The following GPHN variants were observed in gnomAD, a reference collection of about 807,000 sequenced individuals.
GPHN encodes gephyrin.
Under a neutral mutation model 95.5 loss-of-function variants are expected in GPHN, and 17 were observed. The ratio of observed to expected loss-of-function variants is 0.18; its 90% CI spans 0.12 to 0.27. The LOEUF (loss-of-function observed/expected upper bound fraction) is 0.27, where lower values mean the gene tolerates loss of function less well. GPHN is among the 10% of genes least tolerant of loss of function. The pLI is 1.00. For synonymous variants in GPHN, 320 were observed against 322.5 expected (o/e 0.99, Z 0.08); for missense variants, 660 against 978.1 (o/e 0.67, Z 4.34).
At chr14:66,719,823 T>C (rs1158081311) in intron 2 of GPHN, among the ~76,000 whole-genome samples, 1 of 152,188 alleles carries the variant, frequency 6.6e-6, no homozygotes, top group African/African-American at 2.4e-5. Context: ...TCAGAAATTT[T>C]CTATGGGTTT....
the GPHN span, chr14:67,360,055 T>C: frequency 4.6e-6 from 2 of 433,382 alleles, no homozygotes; most frequent in South Asian, 1.1e-4. Flanking sequence ...ACGCCTTGTC[T>C]TTCTCCACCT....
chr14:66,835,554 C>T (rs550975530), intron 4 of GPHN, among the ~76,000 whole-genome samples: 2 of 151,642 alleles, frequency 1.3e-5, no homozygotes. Flanking sequence ...GATGCCCTCT[C>T]TCACCACTCC....
In GPHN at chr14:66,886,459, G is replaced by A. The variant is rs78551057; in HGVS notation, c.389+6426G>A. ...CATGTTCATCATGACAATGTACTCAGGAGTTCTAAGTCATGATGAGCATCC... is the reference window on the plus strand; with the variant it reads ...CATGTTCATCATGACAATGTACTCAAGAGTTCTAAGTCATGATGAGCATCC... On this transcript the variant is annotated intron_variant, in intron 5 of 22. Transcript: ENST00000478722. 0.042 allele frequency among the ~76,000 whole-genome samples: 6,346 copies of A among 151,962 alleles called. 810 individuals carry two copies. The East Asian group carries it at 0.42, about 10-fold the overall frequency.
chr14:66,602,169 A>G (rs1261635805), intron 1 of GPHN, among the ~76,000 whole-genome samples: 2 of 151,992 alleles, frequency 1.3e-5, no homozygotes, highest in Non-Finnish European at 1.5e-5. Context: ...CTTTATGACT[A>G]ATAATTTCTA....
At chr14:67,361,505 C>T in the GPHN span, among the ~76,000 whole-genome samples, 6 of 152,196 alleles carry the variant, frequency 3.9e-5, no homozygotes, top group South Asian at 6.2e-4. Context: ...AGAGAGCATT[C>T]CTAATACGTG....
intron 10 of GPHN, among the ~76,000 whole-genome samples, chr14:67,049,050 G>A (rs1357208485): frequency 6.6e-6 from 1 of 151,994 alleles, no homozygotes; most frequent in Non-Finnish European, 1.5e-5. Context: ...GGGTTTTATG[G>A]GCTACCGGCT....
At chr14:67,248,759 C>T in the GPHN span, among the ~76,000 whole-genome samples, 1 of 152,100 alleles carries the variant, frequency 6.6e-6, no homozygotes, top group African/African-American at 2.4e-5. Flanking sequence ...TCCAATAAAA[C>T]TTTACTTATA....
At chr14:67,726,187 T>A in the GPHN span, 2 of 1,198,400 alleles carry the variant, frequency 1.7e-6, no homozygotes, top group Non-Finnish European at 2.5e-6. Flanking sequence ...AAAAATGAGG[T>A]ACACCCACTA....
chr14:67,459,813 C>G, the GPHN span, among the ~76,000 whole-genome samples: 2 of 152,210 alleles, frequency 1.3e-5, no homozygotes, highest in Non-Finnish European at 2.9e-5. Flanking sequence ...CCCAGGGCTG[C>G]CAGCCAGCTG....
chr14:67,539,215 G>A, the GPHN span, among the ~76,000 whole-genome samples: 1 of 152,182 alleles, frequency 6.6e-6, no homozygotes, highest in South Asian at 2.1e-4. Context: ...CCTTCTCTGA[G>A]AGCCTTACAA....
chr14:67,116,422 T>G (rs1014615617), intron 16 of GPHN, among the ~76,000 whole-genome samples: 1 of 151,992 alleles, frequency 6.6e-6, no homozygotes, highest in Non-Finnish European at 1.5e-5. Context: ...CAGGACTGCT[T>G]AGGAGATGGG....
intron 1 of GPHN, among the ~76,000 whole-genome samples, chr14:66,657,694 G>C (rs981336520): frequency 6.6e-6 from 1 of 151,994 alleles, no homozygotes; most frequent in East Asian, 1.9e-4. Flanking sequence ...CAATACATCT[G>C]TTTACAGCAT....
the GPHN span, among the ~76,000 whole-genome samples, chr14:67,369,188 T>C: frequency 4.6e-4 from 70 of 152,332 alleles, no homozygotes; most frequent in Non-Finnish European, 8.5e-4. Flanking sequence ...TAAAAAGATA[T>C]GCTATGCAGA....
intron 8 of GPHN, among the ~76,000 whole-genome samples, chr14:66,941,681 G>T (rs1188722096): frequency 6.7e-6 from 1 of 148,352 alleles, no homozygotes; most frequent in African/African-American, 2.5e-5. Flanking sequence ...TCAAAGCCTT[G>T]GTAAAAAAAA....
chr14:66,515,162 A>C (rs984901038), intron 1 of GPHN, among the ~76,000 whole-genome samples: 1 of 152,132 alleles, frequency 6.6e-6, no homozygotes, highest in African/African-American at 2.4e-5. Flanking sequence ...TCGTGTATAC[A>C]TGTCTTATTC....
chr14:66,919,227 TCTA>T (rs1055948629), intron 6 of GPHN, among the ~76,000 whole-genome samples: 111 of 152,330 alleles, frequency 7.3e-4, no homozygotes, highest in African/African-American at 2.6e-3. Context: ...GGTTGTTAGT[TCTA>T]CTGCCCTGCT....
At chr14:67,288,820 C>A in the GPHN span, among the ~76,000 whole-genome samples, 1 of 152,030 alleles carries the variant, frequency 6.6e-6, no homozygotes, top group Non-Finnish European at 1.5e-5. Flanking sequence ...TAGCTCTGGG[C>A]CACAGCTTCT....
chr14:67,333,028 T>C, the GPHN span: 300 of 1,328,092 alleles, frequency 2.3e-4, no homozygotes, highest in African/African-American at 4.0e-3. Flanking sequence ...TGCCCGACAC[T>C]GCAGCAAGAT....
At chr14:67,552,556 A>G in the GPHN span, among the ~76,000 whole-genome samples, 1 of 152,172 alleles carries the variant, frequency 6.6e-6, no homozygotes, top group Non-Finnish European at 1.5e-5. Flanking sequence ...TCACGAGGTC[A>G]GGAGATCGAG....
Sources: allele counts gnomAD v4.1 joint callset (sites outside exome capture counted in the v4.1 genomes callset), GRCh38; gene constraint gnomAD v4.1.1; transcripts MANE v1.5; gene names NCBI Gene and HGNC (gene_info 2026-07-23, HGNC 2026-07-21).